Variants in UGT1A10 observed in about 807,000 individuals in gnomAD.
UGT1A10 encodes the protein UDP-glucuronosyltransferase 1A10.
A neutral mutation model predicts 45.8 loss-of-function variants in UGT1A10; 49 were observed. The ratio of observed to expected loss-of-function variants is 1.07; its 90% confidence interval spans 0.85 to 1.36. The LOEUF is 1.36. Ranked by LOEUF, UGT1A10 falls within the 40% of genes most tolerant of loss-of-function variation. The pLI is 0.00. For synonymous variants in UGT1A10, 284 were observed against 249.7 expected (o/e 1.14, Z -1.29); for missense variants, 745 against 668.6 (o/e 1.11, Z -1.26).
At chr2:233,748,100 CCAAT>C (rs1693866670) in intron 1 of UGT1A10, 1 of 1,612,644 alleles carries the variant, frequency 6.2e-7, no homozygotes, top group South Asian at 1.1e-5. Context: ...GTGCCTTCAT[CCAAT>C]CAATGTTCCA....
At chr2:233,713,858 G>C (rs1294382978) in intron 1 of UGT1A10, 5 of 1,613,740 alleles carry the variant, frequency 3.1e-6, no homozygotes, top group African/African-American at 1.3e-5. Flanking sequence ...CACTATCTCA[G>C]GTCTGTATTG....
Position 233,772,347 on chromosome 2 carries a change from T to A in UGT1A10, c.1381T>A (p.Phe461Ile), listed in dbSNP as rs1700509286. 9.9e-6 allele frequency: 16 copies of A among 1,614,210 alleles called. No individual in the cohort carries two copies. The highest frequency in any genetic ancestry group is 1.4e-5 in the Non-Finnish European group (16 of 1,180,042). ...GGACCTGGCCGTGTTCTGGGTGGAG[T>A]TTGTGATGAGGCACAAGGGCGCGCC... is the stretch of plus-strand genomic sequence containing the variant. ...PLDLAVFWVE[F>I]VMRHKGAPHL... The change falls in exon 5 of 5, where the codon TTT becomes ATT. Residue 461 changes from phenylalanine (F) to isoleucine (I), a missense_variant. Coordinates refer to ENST00000344644, the MANE Select transcript of UGT1A10 (RefSeq NM_019075.4).
intron 1 of UGT1A10, among the ~76,000 whole-genome samples, chr2:233,667,276 T>C (rs1394418009): frequency 6.6e-6 from 1 of 152,098 alleles, no homozygotes; most frequent in Non-Finnish European, 1.5e-5. Flanking sequence ...AAACAAGAAA[T>C]GGGGAAAGGA....
rs751408172 is a variant in UGT1A10, at chr2:233,768,227, G to C, written c.1083G>C (p.Pro361=). Residue 361 remains proline, a synonymous_variant, in exon 4 of 5, where the codon CCG becomes CCC. Coordinates refer to ENST00000344644, the MANE Select transcript of UGT1A10 (RefSeq NM_019075.4). ...CCCTATTTTGCATCTCAGGTCACCCGATGACCCGTGCCTTTATCACCCATG... is the reference window on the plus strand; with the variant it reads ...CCCTATTTTGCATCTCAGGTCACCCCATGACCCGTGCCTTTATCACCCATG... ...WLPQNDLLGH[P]MTRAFITHAG... The C allele has an allele frequency of 5.0e-6, 8 of 1,614,014 alleles. No homozygotes were observed. The African/African-American group carries it at 8.0e-5, about 16-fold the overall frequency.
intron 1 of UGT1A10, among the ~76,000 whole-genome samples, chr2:233,649,580 G>A (rs551078621): frequency 3.3e-5 from 5 of 152,168 alleles, no homozygotes; most frequent in East Asian, 1.9e-4. Flanking sequence ...TTTACTATGC[G>A]TTTTTACTTG....
chr2:233,697,459 C>A (rs958689433), intron 1 of UGT1A10, among the ~76,000 whole-genome samples: 3 of 147,922 alleles, frequency 2.0e-5, no homozygotes, highest in Admixed American at 6.7e-5. Context: ...TGAGTGTTTT[C>A]TCTTTTTCTT....
chr2:233,678,917 T>C (rs181700113), intron 1 of UGT1A10, among the ~76,000 whole-genome samples: 2,507 of 152,296 alleles, frequency 0.016, 85 homozygotes, highest in African/African-American at 0.057. Flanking sequence ...TGAAGTCATG[T>C]GCAACATCTG....
chr2:233,765,063 G>A (rs1333981989), intron 1 of UGT1A10, among the ~76,000 whole-genome samples: 3 of 152,054 alleles, frequency 2.0e-5, no homozygotes, highest in Non-Finnish European at 4.4e-5. Flanking sequence ...CCCTGTCAGA[G>A]GTCTCCTGTG....
intron 1 of UGT1A10, among the ~76,000 whole-genome samples, chr2:233,670,819 T>G (rs755310957): frequency 1.3e-5 from 2 of 152,208 alleles, no homozygotes; most frequent in African/African-American, 2.4e-5. Flanking sequence ...AAAAGAACTT[T>G]GAAAGACCGT....
At chr2:233,729,668 A>C (rs1346265450) in intron 1 of UGT1A10, 12 of 1,613,764 alleles carry the variant, frequency 7.4e-6, no homozygotes, top group Non-Finnish European at 1.0e-5. Context: ...TGTGATTTAG[A>C]CTTTAAGGGC....
intron 1 of UGT1A10, among the ~76,000 whole-genome samples, chr2:233,664,774 G>A (rs987066954): frequency 3.3e-5 from 5 of 152,140 alleles, no homozygotes; most frequent in African/African-American, 1.2e-4. Context: ...ATGAGATTTG[G>A]GTGGGGACAA....
rs2074100630 is a variant in UGT1A10 at position 233,667,382 on chromosome 2, CAAGA to C, written c.855+30006_855+30009del. ...CTTACACCTTATACAAAAATTAATT[CAAGA>C]TGGATTAAAGACTTAAATGTTAGAC... On this transcript the variant is annotated intron_variant, in intron 1 of 4. Transcript: ENST00000344644. 2.5e-4 allele frequency among the ~76,000 whole-genome samples: 38 copies of C among 152,264 alleles called. No individual in the cohort carries two copies. In the South Asian group the frequency reaches 7.7e-3, roughly 31 times the overall value.
chr2:233,768,076 A>G (rs1699558493), intron 3 of UGT1A10, 140 bp downstream of exon 3: 2 of 1,593,048 alleles, frequency 1.3e-6, no homozygotes, highest in African/African-American at 1.3e-5. Flanking sequence ...CTAGTGGGGT[A>G]TCTCAACCCA....
chr2:233,693,795 C>T (rs1559346736), intron 1 of UGT1A10: 1 of 1,614,186 alleles, frequency 6.2e-7, no homozygotes, highest in East Asian at 2.2e-5. Flanking sequence ...CTTGAATATC[C>T]TAGGCCGGTC....
intron 1 of UGT1A10, among the ~76,000 whole-genome samples, chr2:233,666,681 A>G (rs1267298689): frequency 3.3e-5 from 5 of 151,666 alleles, no homozygotes; most frequent in African/African-American, 9.7e-5. Flanking sequence ...TAAGTTTTAG[A>G]GTACATGTGC....
At chr2:233,735,564 G>A (rs550679567) in intron 1 of UGT1A10, among the ~76,000 whole-genome samples, 59 of 152,124 alleles carry the variant, frequency 3.9e-4, no homozygotes, top group African/African-American at 1.3e-3. Flanking sequence ...TGGTGTTATC[G>A]GGTTATTTTG....
chr2:233,690,197 T>G (rs1274270744), intron 1 of UGT1A10, among the ~76,000 whole-genome samples: 3 of 152,264 alleles, frequency 2.0e-5, no homozygotes, highest in African/African-American at 7.2e-5. Flanking sequence ...AAAATATTCA[T>G]AAATTCAATG....
chr2:233,679,016 G>A (rs1203184206), intron 1 of UGT1A10, among the ~76,000 whole-genome samples: 1 of 152,206 alleles, frequency 6.6e-6, no homozygotes, highest in Non-Finnish European at 1.5e-5. Context: ...CTTCAGTGGT[G>A]TAATCCTTCT....
intron 1 of UGT1A10, among the ~76,000 whole-genome samples, chr2:233,679,446 G>A (rs2074452882): frequency 6.6e-6 from 1 of 152,136 alleles, no homozygotes; most frequent in East Asian, 1.9e-4. Context: ...CTGTAAACTT[G>A]ACTGCATTTA....
Sources: gnomAD v4.1 joint callset for allele counts (sites outside exome capture counted in the v4.1 genomes callset) on GRCh38, gnomAD v4.1.1 for gene constraint, MANE v1.5 for transcripts, NCBI Gene and HGNC (gene_info 2026-07-23, HGNC 2026-07-21) for gene names.